The following RIMS1 variants were observed in gnomAD, a reference collection of about 807,000 sequenced individuals.
The protein encoded by RIMS1 is regulating synaptic membrane exocytosis 1, also known as regulating synaptic membrane exocytosis protein 1.
Under a neutral mutation model 214.1 loss-of-function variants are expected in RIMS1, and 83 were observed. The ratio of observed to expected loss-of-function variants is 0.39; its 90% CI spans 0.32 to 0.47. The LOEUF (loss-of-function observed/expected upper bound fraction) is 0.47, where lower values mean the gene tolerates loss of function less well. Ranked by LOEUF, RIMS1 falls within the 20% of genes least tolerant of loss-of-function variation. The pLI, the probability that RIMS1 is intolerant of heterozygous loss-of-function variation, is 0.99. For synonymous variants in RIMS1, 793 were observed against 786.8 expected (o/e 1.01, Z -0.13); for missense variants, 2,050 against 2,161.8 (o/e 0.95, Z 1.03).
At chr6:71,947,375 A>G (rs1289034306) in intron 1 of RIMS1, among the ~76,000 whole-genome samples, 1 of 152,174 alleles carries the variant, frequency 6.6e-6, no homozygotes, top group Non-Finnish European at 1.5e-5. Flanking sequence ...TCAACCTTAT[A>G]AAAGAAAATC....
chr6:72,314,537 T>C (rs1235873263), intron 28 of RIMS1, among the ~76,000 whole-genome samples: 3 of 152,206 alleles, frequency 2.0e-5, no homozygotes, highest in Admixed American at 6.5e-5. Context: ...CCTGCTGTTA[T>C]TTAACAATTT....
At chr6:72,369,903 T>C (rs1237528144) in intron 29 of RIMS1, among the ~76,000 whole-genome samples, 3 of 152,202 alleles carry the variant, frequency 2.0e-5, no homozygotes, top group Non-Finnish European at 4.4e-5. Context: ...CCCTGGGAGT[T>C]ATCCACCTGA....
chr6:72,202,428 G>T (rs2052161550), intron 6 of RIMS1, among the ~76,000 whole-genome samples: 1 of 152,016 alleles, frequency 6.6e-6, no homozygotes, highest in Admixed American at 6.5e-5. Context: ...TGCATGTTGT[G>T]TCCAAATTTC....
intron 21 of RIMS1, 49 bp downstream of exon 21, chr6:72,265,552 T>A: frequency 8.7e-7 from 1 of 1,154,392 alleles, no homozygotes; most frequent in Non-Finnish European, 1.3e-6. Context: ...TTTATTGTTG[T>A]GAACCAAAAA....
chr6:72,089,766 A>G (rs997422996), intron 2 of RIMS1, among the ~76,000 whole-genome samples: 6 of 142,582 alleles, frequency 4.2e-5, no homozygotes, highest in African/African-American at 1.5e-4. Context: ...CTTGGAACCA[A>G]CCCAAATGTC....
At chr6:72,161,262 T>A (rs1405062777) in intron 4 of RIMS1, among the ~76,000 whole-genome samples, 3 of 140,622 alleles carry the variant, frequency 2.1e-5, no homozygotes, top group Non-Finnish European at 4.8e-5. Context: ...TTGCATCTGT[T>A]TGATTCTTCT....
chr6:71,921,807 C>T (rs184371662), intron 1 of RIMS1, among the ~76,000 whole-genome samples: 4 of 152,212 alleles, frequency 2.6e-5, no homozygotes, highest in South Asian at 2.1e-4. Context: ...GTCTTTATTA[C>T]GCAAATGCAG....
intron 1 of RIMS1, among the ~76,000 whole-genome samples, chr6:71,899,329 A>G (rs113730546): frequency 0.041 from 6,239 of 151,930 alleles, 175 homozygotes; most frequent in Non-Finnish European, 0.056. Context: ...AAGCCAGTTG[A>G]TTTTTGCTTA....
intron 2 of RIMS1, among the ~76,000 whole-genome samples, chr6:72,065,498 A>G (rs1829059106): frequency 6.6e-6 from 1 of 152,046 alleles, no homozygotes; most frequent in Non-Finnish European, 1.5e-5. Context: ...TCTTTTTGTT[A>G]GTTGTTTGTT....
chr6:72,398,949 GT>G lies in RIMS1; in HGVS notation c.4721-3del. On this transcript the variant is annotated splice_region_variant and splice_polypyrimidine_tract_variant and intron_variant, in intron 32 of 33. Coordinates refer to ENST00000521978, the MANE Select transcript of RIMS1 (RefSeq NM_014989.7). Reference sequence around the variant, plus strand: ...ATTTCTTATATGTTAATATACCTTTGTTTAGCTCCATATGTCAAAGTATATC... The same window carrying G: ...ATTTCTTATATGTTAATATACCTTTGTTAGCTCCATATGTCAAAGTATATC... 1 of 1,559,336 alleles carries G rather than the reference GT, an allele frequency of 6.4e-7. No homozygotes were observed. Among genetic ancestry groups the G allele is most frequent in the Non-Finnish European group, 8.8e-7 (1 of 1,133,346 alleles).
At chr6:72,251,610 C>T (rs537425663) in intron 15 of RIMS1, among the ~76,000 whole-genome samples, 1 of 152,254 alleles carries the variant, frequency 6.6e-6, no homozygotes, top group Non-Finnish European at 1.5e-5. Context: ...AAAATTCTTG[C>T]ACAGGGCCAA....
chr6:72,022,151 G>A lies in RIMS1; in HGVS notation c.245+53088G>A, dbSNP rs188171974. 2.3e-3 allele frequency among the ~76,000 whole-genome samples: 345 copies of A among 152,284 alleles called. 2 individuals are homozygous for A. Among genetic ancestry groups the A allele is most frequent in the South Asian group, 0.012 (58 of 4,824 alleles). ...TGTTAATAATAAAATGATAATATTA[G>A]TGTGTGATGTTTTAACTTTAAGCTA... On this transcript the variant is annotated intron_variant, in intron 2 of 33. Coordinates refer to ENST00000521978, the MANE Select transcript of RIMS1 (RefSeq NM_014989.7).
chr6:72,032,709 G>T (rs1272451949), intron 2 of RIMS1, among the ~76,000 whole-genome samples: 1 of 152,112 alleles, frequency 6.6e-6, no homozygotes, highest in Non-Finnish European at 1.5e-5. Flanking sequence ...CTGAATAAAA[G>T]ATCTTGTATG....
At chr6:72,386,424 C>T (rs1234987942) in intron 29 of RIMS1, among the ~76,000 whole-genome samples, 4 of 152,124 alleles carry the variant, frequency 2.6e-5, no homozygotes, top group East Asian at 1.9e-4. Context: ...GAGTCAACAT[C>T]GACATTACAA....
At chr6:72,319,079 A>T (rs565821657) in intron 28 of RIMS1, among the ~76,000 whole-genome samples, 88 of 152,240 alleles carry the variant, frequency 5.8e-4, no homozygotes, top group Non-Finnish European at 1.1e-3. Flanking sequence ...AATAATTAAT[A>T]AATAAGAAAA....
At chr6:71,929,485 G>A (rs938900349) in intron 1 of RIMS1, among the ~76,000 whole-genome samples, 1 of 152,028 alleles carries the variant, frequency 6.6e-6, no homozygotes, top group Non-Finnish European at 1.5e-5. Flanking sequence ...AGAGAAAAAA[G>A]ACTATTTAAC....
intron 2 of RIMS1, among the ~76,000 whole-genome samples, chr6:72,020,438 C>T (rs1456177893): frequency 2.0e-5 from 3 of 152,172 alleles, no homozygotes; most frequent in African/African-American, 7.2e-5. Flanking sequence ...GCCCTTGGCC[C>T]ACTCAGCCTC....
At chr6:72,339,127 C>T (rs1026723130) in intron 29 of RIMS1, among the ~76,000 whole-genome samples, 6 of 151,574 alleles carry the variant, frequency 4.0e-5, no homozygotes, top group African/African-American at 1.5e-4. Flanking sequence ...AGTGGTAGAA[C>T]GGAAGCACAG....
intron 1 of RIMS1, among the ~76,000 whole-genome samples, chr6:71,945,164 C>A (rs1011539140): frequency 1.3e-5 from 2 of 152,176 alleles, no homozygotes; most frequent in Non-Finnish European, 2.9e-5. Context: ...CGACAAGCAG[C>A]AAAAGATGGT....
Sources: allele counts gnomAD v4.1 joint callset (sites outside exome capture counted in the v4.1 genomes callset), GRCh38; gene constraint gnomAD v4.1.1; transcripts MANE v1.5; gene names NCBI Gene and HGNC (gene_info 2026-07-23, HGNC 2026-07-21).